FAM186A: variants seen among roughly 807,000 people sequenced by gnomAD.
FAM186A encodes protein FAM186A.
FAM186A carries 163 observed loss-of-function variants against 216.8 expected under a neutral mutation model. The ratio of observed to expected loss-of-function variants is 0.75; its 90% CI spans 0.66 to 0.86. FAM186A has a LOEUF of 0.86. Among genes scored for constraint, FAM186A ranks in the 40% least tolerant of loss-of-function variants. The pLI is 0.00. For missense variants in FAM186A, 2,184 were observed against 2,746.2 expected (o/e 0.80, Z 4.58); for synonymous variants, 805 against 1,025.3 (o/e 0.79, Z 4.10).
At chr12:50,392,256 GTTGTTTGTTTGTTTGT>G (rs147405662) in intron 1 of FAM186A, 15,201 of 168,630 alleles carry the variant, frequency 0.09, 1,490 homozygotes, top group East Asian at 0.32. Context: ...TCACAGGTTT[GTTGTTTGTTTGTTTGT>G]TTGTTTGTTT....
Position 50,330,603 on chromosome 12 carries a change from A to G in FAM186A, c.7004T>C (p.Phe2335Ser). 1 of 1,550,638 alleles carries G rather than the reference A, an allele frequency of 6.4e-7. No homozygotes were observed. Among genetic ancestry groups the G allele is most frequent in the Non-Finnish European group, 8.7e-7 (1 of 1,146,564 alleles). The change falls in exon 7 of 8, where the codon TTC becomes TCC. Residue 2335 changes from phenylalanine to serine, a missense_variant. By Grantham distance (155) the Phe-to-Ser change is radical. Coordinates refer to ENST00000327337, the MANE Select transcript of FAM186A (RefSeq NM_001145475.3). ...RLLQLEVQST[F>S]RKSLASLQSR... ...TTGGAGGGATGCAAGAGATTTTCGGAAGGTAGACTGCACTTCTAACTGAAG... is the reference window on the plus strand; with the variant it reads ...TTGGAGGGATGCAAGAGATTTTCGGGAGGTAGACTGCACTTCTAACTGAAG...
intron 5 of FAM186A, 104 bp downstream of exon 5, chr12:50,333,807 G>T: frequency 8.9e-7 from 1 of 1,127,610 alleles, no homozygotes; most frequent in Non-Finnish European, 1.2e-6. Context: ...CAGCAGCCCA[G>T]GAAAGTAATA....
At chr12:50,371,536 C>A (rs972373938) in intron 1 of FAM186A, among the ~76,000 whole-genome samples, 2 of 152,002 alleles carry the variant, frequency 1.3e-5, no homozygotes, top group African/African-American at 2.4e-5. Context: ...AGTGAATAAG[C>A]CAGTCATAAA....
chr12:50,386,188 G>A (rs1211582102), intron 1 of FAM186A, among the ~76,000 whole-genome samples: 1 of 152,160 alleles, frequency 6.6e-6, no homozygotes, highest in Admixed American at 6.5e-5. Flanking sequence ...CAGCACTTTG[G>A]GAGGCCAAGG....
Position 50,335,753 on chromosome 12 carries a change from T to TA in FAM186A, c.6504-1651dup, listed in dbSNP as rs201795633. 2.2e-3 allele frequency among the ~76,000 whole-genome samples: 329 copies of TA among 150,914 alleles called. 2 individuals carry two copies. Among genetic ancestry groups the TA allele is most frequent in the African/African-American group, 6.8e-3 (280 of 41,124 alleles). Reference sequence around the variant, plus strand: ...CCAGAATAGGACACTACGTTACTTGTAAAAAAAAAGAAATAGAATGAAATA... The same window carrying TA: ...CCAGAATAGGACACTACGTTACTTGTAAAAAAAAAAGAAATAGAATGAAATA... On this transcript the variant is annotated intron_variant, in intron 4 of 7. Coordinates refer to ENST00000327337, the MANE Select transcript of FAM186A (RefSeq NM_001145475.3).
chr12:50,381,336 GA>G (rs1565895678), intron 1 of FAM186A, among the ~76,000 whole-genome samples: 2 of 152,194 alleles, frequency 1.3e-5, no homozygotes, highest in African/African-American at 4.8e-5. Context: ...GAGCTATGCA[GA>G]CAAGTGGAGG....
chr12:50,363,409 A>C, intron 1 of FAM186A, 45 bp from the exon 2 acceptor site: 1 of 1,472,614 alleles, frequency 6.8e-7, no homozygotes, highest in African/African-American at 1.4e-5. Context: ...CAGTTTGAAA[A>C]GAAGCTTTGG....
At chr12:50,373,534 A>G (rs1943169703) in intron 1 of FAM186A, among the ~76,000 whole-genome samples, 1 of 152,266 alleles carries the variant, frequency 6.6e-6, no homozygotes, top group Non-Finnish European at 1.5e-5. Context: ...ATGTAAAAGA[A>G]GAAAACTACA....
chr12:50,369,984 C>T (rs113034147), intron 1 of FAM186A, among the ~76,000 whole-genome samples: 10 of 151,582 alleles, frequency 6.6e-5, no homozygotes, highest in Admixed American at 5.3e-4. Context: ...ATTAGCCGGG[C>T]GTGGTGGTGG....
chr12:50,369,475 C>T (rs1303040979), intron 1 of FAM186A, among the ~76,000 whole-genome samples: 16 of 122,300 alleles, frequency 1.3e-4, no homozygotes, highest in Admixed American at 9.0e-4. Context: ...TCAGCCTGGG[C>T]GACAGAGTGA....
Position 50,396,154 on chromosome 12 carries a change from A to G in FAM186A, c.192+139T>C, listed in dbSNP as rs1592642039. 5.2e-5 allele frequency: 36 copies of G among 698,080 alleles called. No individual in the cohort carries two copies. In the East Asian group the frequency reaches 9.9e-4, roughly 19 times the overall value. 43.2% of individuals were successfully genotyped at this position (698,080 alleles called of 1,614,324 possible). ...TATATCCACAGTCGGTGTCAGGTGA[A>G]ATTGTCATTTGAAGTCAAAGCTACC... On this transcript the variant is annotated intron_variant, in intron 1 of 7. Coordinates refer to ENST00000327337, the MANE Select transcript of FAM186A (RefSeq NM_001145475.3).
At chr12:50,391,769 C>G (rs957638741) in intron 1 of FAM186A, among the ~76,000 whole-genome samples, 1 of 152,134 alleles carries the variant, frequency 6.6e-6, no homozygotes, top group African/African-American at 2.4e-5. Flanking sequence ...CTGCAGCTGG[C>G]CTAGTAGTTT....
At chr12:50,327,657 T>G (rs889154848) in intron 7 of FAM186A, among the ~76,000 whole-genome samples, 2 of 148,804 alleles carry the variant, frequency 1.3e-5, no homozygotes, top group Non-Finnish European at 3.0e-5. Flanking sequence ...TCCTCCCACC[T>G]CAGCCTCCCA....
At chr12:50,327,630 T>G (rs1228434608) in intron 7 of FAM186A, among the ~76,000 whole-genome samples, 3 of 150,000 alleles carry the variant, frequency 2.0e-5, no homozygotes, top group Non-Finnish European at 4.4e-5. Context: ...CAACCTCTGC[T>G]CCCTGGGCTC....
chr12:50,387,172 C>G (rs1943312282), intron 1 of FAM186A, among the ~76,000 whole-genome samples: 1 of 152,184 alleles, frequency 6.6e-6, no homozygotes, highest in Non-Finnish European at 1.5e-5. Context: ...GTCCCCAAAA[C>G]TGCCCCCACT....
intron 2 of FAM186A, among the ~76,000 whole-genome samples, chr12:50,362,601 G>A (rs879370982): frequency 9.2e-5 from 14 of 151,816 alleles, no homozygotes; most frequent in East Asian, 3.9e-4. Flanking sequence ...AAAATTAGCC[G>A]GGCGTGGTGC....
intron 5 of FAM186A, among the ~76,000 whole-genome samples, chr12:50,332,832 AGCCTGGCCAACATGGT>A (rs1195906087): frequency 1.3e-5 from 2 of 152,152 alleles, no homozygotes; most frequent in Non-Finnish European, 2.9e-5. Context: ...GTCCAAGACC[AGCCTGGCCAACATGGT>A]GAAACCCCAT....
At chr12:50,342,885 T>C (rs1423468083) in intron 4 of FAM186A, among the ~76,000 whole-genome samples, 1 of 150,752 alleles carries the variant, frequency 6.6e-6, no homozygotes, top group African/African-American at 2.4e-5. Flanking sequence ...AGTCCTCCTG[T>C]CTCAGTTTTC....
At chr12:50,336,905 A>G (rs1942713808) in intron 4 of FAM186A, among the ~76,000 whole-genome samples, 1 of 151,616 alleles carries the variant, frequency 6.6e-6, no homozygotes, top group African/African-American at 2.4e-5. Context: ...GTATATATAT[A>G]TATTGCCTCA....
Sources: allele counts gnomAD v4.1 joint callset (sites outside exome capture counted in the v4.1 genomes callset), GRCh38; gene constraint gnomAD v4.1.1; transcripts MANE v1.5; gene names NCBI Gene and HGNC (gene_info 2026-07-23, HGNC 2026-07-21).